Variants in FAM162A observed in about 807,000 individuals in gnomAD.
FAM162A encodes family with sequence similarity 162 member A, also known as protein FAM162A.
Under a neutral mutation model 21.8 loss-of-function variants are expected in FAM162A, and 23 were observed. The ratio of observed to expected loss-of-function variants is 1.05; its 90% CI spans 0.76 to 1.49. The LOEUF (loss-of-function observed/expected upper bound fraction) is 1.49, where lower values mean the gene tolerates loss of function less well. Among genes scored for constraint, FAM162A ranks in the 40% most tolerant of loss-of-function variants. The probability of loss-of-function intolerance (pLI) is 0.00; values close to 1 mark genes in which losing one functional copy is unlikely to be tolerated. For synonymous variants in FAM162A, 53 were observed against 61.3 expected (o/e 0.86, Z 0.64); for missense variants, 165 against 186.4 (o/e 0.89, Z 0.67).
chr3:122,389,218 G>GCTAT (rs1338033555), intron 1 of FAM162A, among the ~76,000 whole-genome samples: 12 of 152,112 alleles, frequency 7.9e-5, no homozygotes, highest in African/African-American at 2.9e-4. Context: ...ATGAAAAAGA[G>GCTAT]GAAATAAGAA....
chr3:122,406,008 G>A (rs1478932230), intron 3 of FAM162A, among the ~76,000 whole-genome samples: 1 of 152,076 alleles, frequency 6.6e-6, no homozygotes, highest in African/African-American at 2.4e-5. Flanking sequence ...ACATCACATT[G>A]TACATGGCTT....
intron 1 of FAM162A, among the ~76,000 whole-genome samples, chr3:122,388,707 C>CA (rs1314428878): frequency 6.6e-6 from 1 of 151,932 alleles, no homozygotes; most frequent in Admixed American, 6.5e-5. Context: ...CAAATGGCCA[C>CA]AAAAATGGGA....
chr3:122,402,471 A>G (rs1430981698), intron 1 of FAM162A, among the ~76,000 whole-genome samples: 1 of 152,090 alleles, frequency 6.6e-6, no homozygotes, highest in Non-Finnish European at 1.5e-5. Context: ...TTGCCACCAG[A>G]GCCATTGTTA....
At chr3:122,400,858 T>G (rs2075649824) in intron 1 of FAM162A, among the ~76,000 whole-genome samples, 1 of 152,070 alleles carries the variant, frequency 6.6e-6, no homozygotes, top group Non-Finnish European at 1.5e-5. Flanking sequence ...GAGAATATCG[T>G]TACTATATAG....
chr3:122,408,016 T>C (rs1039114924), intron 4 of FAM162A: 4 of 152,254 alleles, frequency 2.6e-5, no homozygotes, highest in African/African-American at 9.6e-5. Flanking sequence ...GATTTATAGA[T>C]GAGGAAAACT....
At chr3:122,409,135 A>G (rs185496681) in intron 4 of FAM162A, among the ~76,000 whole-genome samples, 21 of 151,478 alleles carry the variant, frequency 1.4e-4, no homozygotes, top group Middle Eastern at 3.4e-3. Context: ...ACTGGCCTGT[A>G]TGTAAGCTTC....
Position 122,409,829 on chromosome 3 carries a change from T to G in FAM162A, c.463T>G (p.Ter155GluextTer17). The G allele has an allele frequency of 6.2e-7, 1 of 1,613,402 alleles. No homozygotes were observed. Among genetic ancestry groups the G allele is most frequent in the Admixed American group, 1.7e-5 (1 of 60,024 alleles). The change falls in exon 5 of 5, where the codon TAG becomes GAG. Residue 155 changes from the stop codon to glutamate (E), a stop_lost. Transcript: ENST00000477892. ...AGCAGCTATGAAGGCCAAAACAGAG[T>G]AGCAGAGGTATCCGTGTTGGCTGGA... ...EEAAMKAKTE[*>E]
chr3:122,408,009 T>G (rs544417570), intron 4 of FAM162A: 1 of 152,352 alleles, frequency 6.6e-6, no homozygotes, highest in South Asian at 2.1e-4. Context: ...AGGACCTGAT[T>G]TATAGATGAG....
chr3:122,398,719 CA>C (rs1002004136), intron 1 of FAM162A, among the ~76,000 whole-genome samples: 1 of 150,900 alleles, frequency 6.6e-6, no homozygotes, highest in Non-Finnish European at 1.5e-5. Context: ...AAGCCAACTG[CA>C]AAAAAAAATG....
chr3:122,395,091 G>A (rs1012641667), intron 1 of FAM162A, among the ~76,000 whole-genome samples: 1 of 152,076 alleles, frequency 6.6e-6, no homozygotes, highest in Admixed American at 6.5e-5. Flanking sequence ...AAAACACTCA[G>A]AAACTATGAA....
intron 4 of FAM162A, chr3:122,407,660 T>C (rs2075683235): frequency 2.1e-6 from 1 of 473,832 alleles, no homozygotes; most frequent in African/African-American, 1.9e-5. Flanking sequence ...TGATGACAGG[T>C]GTCATAATGT....
At chr3:122,398,233 G>A (rs974742928) in intron 1 of FAM162A, among the ~76,000 whole-genome samples, 64 of 152,200 alleles carry the variant, frequency 4.2e-4, no homozygotes, top group African/African-American at 1.4e-3. Flanking sequence ...TGTGAAGGGG[G>A]AGAATACCAC....
At chr3:122,397,878 A>G (rs2075636503) in intron 1 of FAM162A, among the ~76,000 whole-genome samples, 1 of 152,238 alleles carries the variant, frequency 6.6e-6, no homozygotes, top group Admixed American at 6.5e-5. Context: ...GGAGTCTCTA[A>G]AAACATTTCT....
chr3:122,399,840 A>C (rs2075645061), intron 1 of FAM162A, among the ~76,000 whole-genome samples: 1 of 152,164 alleles, frequency 6.6e-6, no homozygotes, highest in Non-Finnish European at 1.5e-5. Flanking sequence ...ACGGTGGCTC[A>C]TGCCTGTAAT....
intron 1 of FAM162A, among the ~76,000 whole-genome samples, chr3:122,391,530 G>A (rs902965416): frequency 1.3e-5 from 2 of 152,106 alleles, no homozygotes; most frequent in African/African-American, 4.8e-5. Context: ...TATACTGTAG[G>A]GAGGTAAAAG....
rs2075560921 is a variant in FAM162A, at chr3:122,384,205, G to A, written c.-61G>A. 2 of 1,547,810 alleles carry A rather than the reference G, an allele frequency of 1.3e-6. No homozygotes were observed. The highest frequency in any genetic ancestry group is 2.7e-5 in the African/African-American group (2 of 73,026). On this transcript the variant is annotated 5_prime_UTR_variant, in exon 1 of 5. Transcript: ENST00000477892. ...CCACTCCAACGCTGGGTGACATTGA[G>A]CTCACCAGCGCCACCGTCCCCGGCG...
intron 2 of FAM162A, 116 bp downstream of exon 2, chr3:122,402,998 A>G: frequency 6.8e-6 from 8 of 1,178,228 alleles, no homozygotes; most frequent in Non-Finnish European, 9.4e-6. Context: ...CCATGTAGAG[A>G]GAACACATTG....
At chr3:122,401,943 G>A (rs2075655407) in intron 1 of FAM162A, among the ~76,000 whole-genome samples, 3 of 151,996 alleles carry the variant, frequency 2.0e-5, no homozygotes, top group Admixed American at 2.0e-4. Context: ...TTCTTTTGCT[G>A]TGCAGAACCT....
chr3:122,391,435 T>C (rs1046442078), intron 1 of FAM162A, among the ~76,000 whole-genome samples: 2 of 152,172 alleles, frequency 1.3e-5, no homozygotes, highest in Non-Finnish European at 2.9e-5. Flanking sequence ...AAGCAAGACC[T>C]CATCTTTAAA....
Sources: gnomAD v4.1 joint callset for allele counts (sites outside exome capture counted in the v4.1 genomes callset) on GRCh38, gnomAD v4.1.1 for gene constraint, MANE v1.5 for transcripts, NCBI Gene and HGNC (gene_info 2026-07-23, HGNC 2026-07-21) for gene names.